TMED7: variants seen among roughly 807,000 people sequenced by gnomAD.
TMED7 encodes the protein transmembrane emp24 domain-containing protein 7.
In TMED7, 8 loss-of-function variants were observed where a neutral mutation model predicts 23.4. That is an observed-to-expected ratio of 0.34 (90% CI 0.20 to 0.62). The LOEUF is 0.62. Among genes scored for constraint, TMED7 ranks in the 20% least tolerant of loss-of-function variants. The probability of loss-of-function intolerance (pLI) is 0.77; values close to 1 mark genes in which losing one functional copy is unlikely to be tolerated. For missense variants in TMED7, 232 were observed against 279.1 expected, an observed-to-expected ratio of 0.83 and a Z score of 1.20; for synonymous variants, 121 against 108.5, an observed-to-expected ratio of 1.12 and a Z score of -0.72.
At chr5:115,617,896 T>C (rs562016934) in intron 2 of TMED7, among the ~76,000 whole-genome samples, 10 of 152,266 alleles carry the variant, frequency 6.6e-5, no homozygotes, top group African/African-American at 2.4e-4. Flanking sequence ...TAGGTTCAAG[T>C]GATTCTCCTG....
rs1431015756 is a variant in TMED7 at position 115,615,586 on chromosome 5, T to C, written c.*623A>G. 1 of 153,076 alleles carries C rather than the reference T, an allele frequency of 6.5e-6. No homozygotes were observed. Among genetic ancestry groups the C allele is most frequent in the Non-Finnish European group, 1.5e-5 (1 of 68,378 alleles). 9.5% of individuals were successfully genotyped at this position (153,076 alleles called of 1,614,324 possible). The stretch of plus-strand genomic sequence containing the variant: ...ACTACTGAAACTACTGTTTTCTGTG[T>C]ACTACAAATGCCTTTATGAAAAAAT... On this transcript the variant is annotated 3_prime_UTR_variant, in exon 3 of 3. Coordinates refer to ENST00000456936, the MANE Select transcript of TMED7 (RefSeq NM_181836.6).
chr5:115,620,469 A>G lies in TMED7; in HGVS notation c.404T>C (p.Phe135Ser). The change falls in exon 2 of 3, where the codon TTT becomes TCT. Residue 135 changes from phenylalanine (F) to serine (S), a missense_variant. By Grantham distance (155) the Phe-to-Ser change is radical. This residue lies in a region of TMED7 where 126 missense variants were observed against 182.1 expected (regional missense o/e 0.69). Transcript: ENST00000456936. ...DFQVGEDPPL[F>S]PSENRVSALT... ...AGCACTGACTCGGTTCTCACTAGGA[A>G]ACAAAGGTGGGTCTTCTCCAACTTG... 2 of 1,575,446 alleles carry G rather than the reference A, an allele frequency of 1.3e-6. No homozygotes were observed. Among genetic ancestry groups the G allele is most frequent in the South Asian group, 1.2e-5 (1 of 84,432 alleles).
intron 1 of TMED7, 29 bp from the exon 2 acceptor site, chr5:115,620,709 T>A: frequency 7.4e-7 from 1 of 1,360,148 alleles, no homozygotes; most frequent in African/African-American, 1.5e-5. Flanking sequence ...GAAAAATCAC[T>A]GTGAAAAGTG....
chr5:115,621,767 CG>C (rs1447362513), intron 1 of TMED7, among the ~76,000 whole-genome samples: 4 of 152,052 alleles, frequency 2.6e-5, no homozygotes, highest in Non-Finnish European at 5.9e-5. Flanking sequence ...ACAGAGTGAA[CG>C]TATACACATT....
rs765519431 is a variant in TMED7, at chr5:115,616,186, G to T, written c.*23C>A. 6.3e-7 allele frequency: 1 copy of T among 1,594,864 alleles called. No homozygotes were observed. The highest frequency in any genetic ancestry group is 1.3e-5 in the African/African-American group (1 of 74,566). ...GGACAGCAATATTACAGTGGCAATG[G>T]TGCATCAATTCTCAAAACGTAGTTA... On this transcript the variant is annotated 3_prime_UTR_variant, in exon 3 of 3. Transcript: ENST00000456936.
chr5:115,614,508 C>A lies in TMED7; in HGVS notation c.*1701G>T, dbSNP rs945436765. 1 of 152,518 alleles carries A rather than the reference C, an allele frequency of 6.6e-6. No individual in the cohort carries two copies. The highest frequency in any genetic ancestry group is 1.5e-5 in the Non-Finnish European group (1 of 67,970). The allele number at this position is 152,518 out of a possible 1,614,324, so 9.4% of individuals were successfully genotyped here. On this transcript the variant is annotated 3_prime_UTR_variant, in exon 3 of 3. Transcript: ENST00000456936. ...ACTTTCAAATTTAAATATAAAGGGA[C>A]ACTTGCAAAGCCGCAAGACAACTTC...
In TMED7 at chr5:115,616,205, G is replaced by A. The variant is rs763684193; in HGVS notation, c.*4C>T. 11 of 1,612,384 alleles carry A rather than the reference G, an allele frequency of 6.8e-6. No homozygotes were observed. The highest frequency in any genetic ancestry group is 2.7e-5 in the African/African-American group (2 of 74,862). Reference sequence around the variant, plus strand: ...GCAATGGTGCATCAATTCTCAAAACGTAGTTATGATCCAACACGAGTTGTG... The same window carrying A: ...GCAATGGTGCATCAATTCTCAAAACATAGTTATGATCCAACACGAGTTGTG... On this transcript the variant is annotated 3_prime_UTR_variant, in exon 3 of 3. Coordinates refer to ENST00000456936, the MANE Select transcript of TMED7 (RefSeq NM_181836.6).
In TMED7 at chr5:115,614,332, G is replaced by A. The variant is rs554839322; in HGVS notation, c.*1877C>T. The A allele has an allele frequency of 2.0e-5, 3 of 152,594 alleles. No homozygotes were observed. In the East Asian group the frequency reaches 5.8e-4, roughly 29 times the overall value. 9.5% of individuals were successfully genotyped at this position (152,594 alleles called of 1,614,324 possible). A position where few individuals can be genotyped will look rare whatever the true frequency, so the allele number is the denominator to read the frequency against. ...AAGTTTTGAGAGGCACAGATTAAAT[G>A]AGTGCACTATCTATGCCAAACTCAG... On this transcript the variant is annotated 3_prime_UTR_variant, in exon 3 of 3. Transcript: ENST00000456936.
chr5:115,615,972 C>A lies in TMED7; in HGVS notation c.*237G>T. The A allele has an allele frequency of 1.8e-6, 1 of 547,684 alleles. No homozygotes were observed. Among genetic ancestry groups the A allele is most frequent in the Non-Finnish European group, 3.3e-6 (1 of 305,906 alleles). 33.9% of individuals were successfully genotyped at this position (547,684 alleles called of 1,614,324 possible). A position where few individuals can be genotyped will look rare whatever the true frequency, so the allele number is the denominator to read the frequency against. ...ATAAACAACTGCGAACAGAGTAGAT[C>A]ATTGGTGTTGAATATTTAACATGAA... is the stretch of plus-strand genomic sequence containing the variant. On this transcript the variant is annotated 3_prime_UTR_variant, in exon 3 of 3. Transcript: ENST00000456936.
chr5:115,618,576 T>G (rs1012575015), intron 2 of TMED7, among the ~76,000 whole-genome samples: 5 of 152,208 alleles, frequency 3.3e-5, no homozygotes, highest in African/African-American at 1.2e-4. Flanking sequence ...ATTCCCATGT[T>G]ATTCCTTTAT....
chr5:115,624,831 A>C (rs1249684214), intron 1 of TMED7, among the ~76,000 whole-genome samples: 1 of 152,202 alleles, frequency 6.6e-6, no homozygotes. Flanking sequence ...ACTGCTCTTA[A>C]GGCACAGTTC....
intron 1 of TMED7, among the ~76,000 whole-genome samples, chr5:115,624,579 AG>A (rs1427728275): frequency 6.6e-6 from 1 of 152,178 alleles, no homozygotes; most frequent in Non-Finnish European, 1.5e-5. Flanking sequence ...CTACACTTTC[AG>A]GAAAAACAAA....
In TMED7 at chr5:115,616,246, G is replaced by A. The variant is rs779646279; in HGVS notation, c.638C>T (p.Ser213Leu). 11 of 1,614,114 alleles carry A rather than the reference G, an allele frequency of 6.8e-6. No homozygotes were observed. The highest frequency in any genetic ancestry group is 1.7e-5 in the Admixed American group (1 of 60,020). Residue 213 changes from serine to leucine, a missense_variant, in exon 3 of 3, where the codon TCA becomes TTA. Around this residue, in one of 2 missense-constraint regions of TMED7, gnomAD observed 126 missense variants for 182.1 expected, o/e 0.69. Coordinates refer to ENST00000456936, the MANE Select transcript of TMED7 (RefSeq NM_181836.6). ...ACGAGTTGTGGTGGTTCTTTTATCT[G>A]AGAAAAAGCTTTTCAAAAGAAATAC... ...GQVFLLKSFF[S>L]DKRTTTTRVG...
intron 1 of TMED7, 26 bp from the exon 2 acceptor site, chr5:115,620,706 C>T: frequency 2.2e-6 from 3 of 1,366,510 alleles, no homozygotes. Context: ...AAAGAAAAAT[C>T]ACTGTGAAAA....
Position 115,615,746 on chromosome 5 carries a change from C to T in TMED7, c.*463G>A, listed in dbSNP as rs73260552. 8.7e-3 allele frequency: 1,354 copies of T among 155,688 alleles called. 15 individuals are homozygous for T. Among genetic ancestry groups the T allele is most frequent in the African/African-American group, 0.031 (1,290 of 41,586 alleles). The allele number at this position is 155,688 out of a possible 1,614,324, so 9.6% of individuals were successfully genotyped here. On this transcript the variant is annotated 3_prime_UTR_variant, in exon 3 of 3. Transcript: ENST00000456936. ...GTAGATTTATTTTTCCTCCATAAAA[C>T]TGAACAGTGCAGAATAGGGCTTGGG...
chr5:115,620,752 A>G, intron 1 of TMED7, 72 bp from the exon 2 acceptor site: 1 of 1,314,772 alleles, frequency 7.6e-7, no homozygotes, highest in Middle Eastern at 2.8e-4. Flanking sequence ...CAGATTTCCT[A>G]TTAAAATGGC....
At chr5:115,623,543 T>C (rs1284242567) in intron 1 of TMED7, among the ~76,000 whole-genome samples, 1 of 152,216 alleles carries the variant, frequency 6.6e-6, no homozygotes, top group Non-Finnish European at 1.5e-5. Flanking sequence ...TTTGTGACTA[T>C]TAATAAATAT....
At chr5:115,618,039 G>A (rs547788634) in intron 2 of TMED7, among the ~76,000 whole-genome samples, 15 of 152,244 alleles carry the variant, frequency 9.9e-5, no homozygotes, top group South Asian at 6.2e-4. Context: ...TGATCCGCCC[G>A]CCTCGGCCTC....
At chr5:115,617,776 C>T (rs767981220) in intron 2 of TMED7, among the ~76,000 whole-genome samples, 1 of 152,214 alleles carries the variant, frequency 6.6e-6, no homozygotes, top group Non-Finnish European at 1.5e-5. Context: ...AATTAAATTA[C>T]ATGCATTCTA....
Sources: gnomAD v4.1 joint callset for allele counts (sites outside exome capture counted in the v4.1 genomes callset) on GRCh38, gnomAD v4.1.1 for gene constraint, gnomAD v4.1.1 regional missense constraint, MANE v1.5 for transcripts, NCBI Gene and HGNC (gene_info 2026-07-23, HGNC 2026-07-21) for gene names.